ACVR1: variants seen among roughly 807,000 people sequenced by gnomAD.
ACVR1 encodes the protein activin receptor type-1.
Under a neutral mutation model 57.1 loss-of-function variants are expected in ACVR1, and 38 were observed. The ratio of observed to expected loss-of-function variants is 0.67; its 90% CI spans 0.51 to 0.87. The LOEUF is 0.87. ACVR1 is among the 40% of genes least tolerant of loss of function. The probability of loss-of-function intolerance (pLI) is 0.00; values close to 1 mark genes in which losing one functional copy is unlikely to be tolerated. For synonymous variants in ACVR1, 212 were observed against 228.1 expected (o/e 0.93, Z 0.63); for missense variants, 463 against 638.2 (o/e 0.73, Z 2.96).
chr2:157,814,819 C>G (rs1687874572), intron 2 of ACVR1, among the ~76,000 whole-genome samples: 1 of 152,194 alleles, frequency 6.6e-6, no homozygotes, highest in South Asian at 2.1e-4. Context: ...CACGGTGGGT[C>G]ACACCTGTAA....
chr2:157,811,410 GTTCTT>G (rs1687748816), intron 2 of ACVR1, among the ~76,000 whole-genome samples: 2 of 152,030 alleles, frequency 1.3e-5, no homozygotes, highest in African/African-American at 4.8e-5. Flanking sequence ...CTCCCCATAT[GTTCTT>G]TTCTTTTCAC....
At chr2:157,830,524 A>C (rs1688545048) in intron 1 of ACVR1, among the ~76,000 whole-genome samples, 1 of 152,182 alleles carries the variant, frequency 6.6e-6, no homozygotes, top group South Asian at 2.1e-4. Flanking sequence ...AAGTGTATAT[A>C]CTCAACCACA....
At chr2:157,803,058 T>C (rs1057211000) in intron 2 of ACVR1, among the ~76,000 whole-genome samples, 3 of 151,948 alleles carry the variant, frequency 2.0e-5, no homozygotes, top group Non-Finnish European at 4.4e-5. Flanking sequence ...TCTGTAGAAT[T>C]TAGCTCAAGT....
At chr2:157,748,750 GA>G (rs1432070253) in intron 9 of ACVR1, among the ~76,000 whole-genome samples, 13 of 151,484 alleles carry the variant, frequency 8.6e-5, no homozygotes, top group Admixed American at 2.0e-4. Flanking sequence ...CTGCTATTAG[GA>G]AAAAAAACCA....
intron 1 of ACVR1, among the ~76,000 whole-genome samples, chr2:157,848,304 C>G (rs1166130312): frequency 6.6e-6 from 1 of 151,678 alleles, no homozygotes; most frequent in Non-Finnish European, 1.5e-5. Context: ...CTTCCACTTC[C>G]TGTCTTTTGA....
chr2:157,789,811 TA>T (rs1484061590), intron 3 of ACVR1, among the ~76,000 whole-genome samples: 1 of 152,214 alleles, frequency 6.6e-6, no homozygotes, highest in Non-Finnish European at 1.5e-5. Context: ...AGAGCAGGTA[TA>T]AAATGAAACA....
chr2:157,807,041 G>A (rs1687574466), intron 2 of ACVR1: 1 of 152,064 alleles, frequency 6.6e-6, no homozygotes, highest in Non-Finnish European at 1.5e-5. Flanking sequence ...GGAAAGAATG[G>A]GTTTTGACTG....
intron 6 of ACVR1, among the ~76,000 whole-genome samples, chr2:157,771,678 A>G (rs553691235): frequency 1.3e-5 from 2 of 152,324 alleles, no homozygotes; most frequent in South Asian, 4.1e-4. Context: ...AGAGAGAAGC[A>G]GTTCTGTCCA....
intron 1 of ACVR1, among the ~76,000 whole-genome samples, chr2:157,861,310 T>C (rs1689709335): frequency 6.7e-6 from 1 of 149,520 alleles, no homozygotes; most frequent in African/African-American, 2.4e-5. Flanking sequence ...TATAGAAGGA[T>C]AGAATGGCCA....
chr2:157,755,375 C>T (rs1685383719), intron 9 of ACVR1, among the ~76,000 whole-genome samples: 1 of 152,042 alleles, frequency 6.6e-6, no homozygotes, highest in African/African-American at 2.4e-5. Context: ...AAGACTCCTC[C>T]AAAAAGCTCC....
At chr2:157,837,822 A>T (rs748809306) in intron 1 of ACVR1, among the ~76,000 whole-genome samples, 10 of 152,136 alleles carry the variant, frequency 6.6e-5, no homozygotes, top group Non-Finnish European at 1.2e-4. Flanking sequence ...GGAGGAGAGG[A>T]GGAGGTAGAG....
intron 9 of ACVR1, among the ~76,000 whole-genome samples, chr2:157,759,497 G>A (rs1301754766): frequency 1.3e-5 from 2 of 152,056 alleles, no homozygotes; most frequent in African/African-American, 4.8e-5. Context: ...AGGATTGGAT[G>A]GCTTTACTGC....
At chr2:157,788,386 C>A (rs182231505) in intron 3 of ACVR1, among the ~76,000 whole-genome samples, 3 of 152,302 alleles carry the variant, frequency 2.0e-5, no homozygotes, top group Admixed American at 1.3e-4. Context: ...CAGCTCCATC[C>A]TGCCCAGGAC....
intron 9 of ACVR1, among the ~76,000 whole-genome samples, chr2:157,740,913 C>T (rs936178049): frequency 1.3e-5 from 2 of 152,226 alleles, no homozygotes; most frequent in Non-Finnish European, 2.9e-5. Flanking sequence ...CATTGGCCAA[C>T]TGTTGATTGT....
intron 8 of ACVR1, among the ~76,000 whole-genome samples, chr2:157,764,543 G>T (rs1678588906): frequency 6.6e-6 from 1 of 151,908 alleles, no homozygotes; most frequent in African/African-American, 2.4e-5. Flanking sequence ...TAACAACGCA[G>T]AAGTACAGGG....
At chr2:157,797,833 T>TC (rs1687176370) in intron 3 of ACVR1, among the ~76,000 whole-genome samples, 1 of 152,092 alleles carries the variant, frequency 6.6e-6, no homozygotes, top group African/African-American at 2.4e-5. Flanking sequence ...GTATCTTAAC[T>TC]GCCAAGGTGA....
At chr2:157,873,325 G>A (rs1184143724) in intron 1 of ACVR1, among the ~76,000 whole-genome samples, 1 of 152,168 alleles carries the variant, frequency 6.6e-6, no homozygotes, top group African/African-American at 2.4e-5. Context: ...AAGACATATG[G>A]TGTTTGTGGA....
chr2:157,824,196 A>T (rs899835266), intron 1 of ACVR1, among the ~76,000 whole-genome samples: 3 of 152,208 alleles, frequency 2.0e-5, no homozygotes, highest in Admixed American at 6.5e-5. Flanking sequence ...GGCCAGGCAC[A>T]GTGGCTTATG....
chr2:157,841,968 A>G (rs1688994544), intron 1 of ACVR1, among the ~76,000 whole-genome samples: 1 of 148,088 alleles, frequency 6.8e-6, no homozygotes, highest in African/African-American at 2.5e-5. Context: ...CAGAGCTTGC[A>G]GTGAGCCCAG....
Sources: allele counts gnomAD v4.1 joint callset (sites outside exome capture counted in the v4.1 genomes callset), GRCh38; gene constraint gnomAD v4.1.1; transcripts MANE v1.5; gene names NCBI Gene and HGNC (gene_info 2026-07-23, HGNC 2026-07-21).